Variants in CCDC88C observed in about 807,000 individuals in gnomAD.
CCDC88C encodes the protein protein Daple.
In CCDC88C, 131 loss-of-function variants were observed where a neutral mutation model predicts 198.8. The observed-to-expected ratio is 0.66, with a 90% confidence interval of 0.57 to 0.76. The LOEUF is 0.76. CCDC88C is among the 30% of genes least tolerant of loss of function. CCDC88C has a pLI of 0.00. For synonymous variants in CCDC88C, 1,166 were observed against 1,114.7 expected (o/e 1.05, Z -0.92); for missense variants, 2,553 against 2,631.6 (o/e 0.97, Z 0.65).
chr14:91,357,185 T>C (rs1894073085), intron 4 of CCDC88C, among the ~76,000 whole-genome samples: 1 of 152,130 alleles, frequency 6.6e-6, no homozygotes. Flanking sequence ...GAGCCTCAGT[T>C]CTCTCCCTAT....
Position 91,321,077 on chromosome 14 carries a change from A to G in CCDC88C, c.1527+43T>C, listed in dbSNP as rs11629048. 0.066 allele frequency: 102,222 copies of G among 1,545,718 alleles called. 3,858 individuals are homozygous for G. The highest frequency in any genetic ancestry group is 0.13 in the African/African-American group (9,828 of 73,278). The stretch of plus-strand genomic sequence containing the variant: ...CACTGGGGAGGATGGGAGGGTGCCC[A>G]AGGGTTCTGTGCTTCCCCGGTGGCC... On this transcript the variant is annotated intron_variant, in intron 13 of 29. Transcript: ENST00000389857.
chr14:91,325,115 A>G lies in CCDC88C; in HGVS notation c.1198-192T>C, dbSNP rs1892528487. ...ATGAGAGGGAAAGCCACTCAAAGGT[A>G]CCCTGACCTGGCTACCTAGGTTATG... On this transcript the variant is annotated intron_variant, in intron 11 of 29. Coordinates refer to ENST00000389857, the MANE Select transcript of CCDC88C (RefSeq NM_001080414.4). The surrounding 1 kb of genome is among the most constrained non-coding windows in gnomAD (Gnocchi z 4.1). Among the ~76,000 whole-genome samples the G allele has an allele frequency of 6.6e-6, 1 of 152,140 alleles. No homozygotes were observed. The highest frequency in any genetic ancestry group is 2.1e-4 in the South Asian group (1 of 4,828).
chr14:91,308,977 G>A (rs1158298460), intron 16 of CCDC88C, among the ~76,000 whole-genome samples: 1 of 152,080 alleles, frequency 6.6e-6, no homozygotes, highest in Admixed American at 6.6e-5. Context: ...CTGTAATCCC[G>A]GCACTTTGGG....
intron 10 of CCDC88C, among the ~76,000 whole-genome samples, chr14:91,328,977 T>TGCC (rs1481996397): frequency 1.3e-5 from 2 of 152,184 alleles, no homozygotes; most frequent in Non-Finnish European, 2.9e-5. Flanking sequence ...GCAACCACGA[T>TGCC]GCCGTATGGT....
At chr14:91,359,576 A>G in intron 4 of CCDC88C, 66 bp downstream of exon 4, 1 of 1,316,502 alleles carries the variant, frequency 7.6e-7, no homozygotes, top group Non-Finnish European at 1.1e-6. Flanking sequence ...CTCGATGGCC[A>G]GCAGCTGCCC....
intron 14 of CCDC88C, 28 bp downstream of exon 14, chr14:91,315,622 G>C (rs1431218284): frequency 1.9e-6 from 3 of 1,613,090 alleles, no homozygotes; most frequent in South Asian, 2.2e-5. Context: ...GGGGTTCTAG[G>C]AGAGGCGTTA....
chr14:91,300,048 TGCGCTTCA>T lies in CCDC88C; in HGVS notation c.3650_3657del (p.Leu1217GlnfsTer14). Reference sequence around the variant, plus strand: ...TTCTCCCGCTCCTCCAGCTCCGCCTTGCGCTTCAGCATGTCACCGTGCCTGTTGGAGGG... The same window carrying T: ...TTCTCCCGCTCCTCCAGCTCCGCCTTGCATGTCACCGTGCCTGTTGGAGGG... On this transcript the variant is annotated frameshift_variant, in exon 21 of 30. Coordinates refer to ENST00000389857, the MANE Select transcript of CCDC88C (RefSeq NM_001080414.4). LOFTEE classifies it high-confidence loss of function. 1.2e-6 allele frequency: 2 copies of T among 1,608,198 alleles called. No individual in the cohort carries two copies. Among genetic ancestry groups the T allele is most frequent in the Non-Finnish European group, 1.7e-6 (2 of 1,177,662 alleles).
chr14:91,336,640 G>A (rs979187336), intron 10 of CCDC88C, among the ~76,000 whole-genome samples: 7 of 152,192 alleles, frequency 4.6e-5, no homozygotes, highest in Non-Finnish European at 7.3e-5. Flanking sequence ...GCTGAGAAAC[G>A]GTCTACCCTC....
intron 3 of CCDC88C, among the ~76,000 whole-genome samples, chr14:91,389,066 G>A (rs1259034900): frequency 6.6e-6 from 1 of 152,146 alleles, no homozygotes; most frequent in African/African-American, 2.4e-5. Flanking sequence ...CCAACATGAG[G>A]TTCAAGGGAA....
At chr14:91,393,514 C>T (rs1183057640) in intron 3 of CCDC88C, among the ~76,000 whole-genome samples, 1 of 152,192 alleles carries the variant, frequency 6.6e-6, no homozygotes, top group Non-Finnish European at 1.5e-5. Flanking sequence ...TCTGGACTAC[C>T]TGTTTTGGAT....
Position 91,339,983 on chromosome 14 carries a change from C to T in CCDC88C, c.525G>A (p.Leu175=). The T allele has an allele frequency of 1.2e-6, 2 of 1,606,710 alleles. No homozygotes were observed. The highest frequency in any genetic ancestry group is 1.7e-4 in the Middle Eastern group (1 of 6,054). Reference sequence around the variant, plus strand: ...CCTCCGGAGCCACGTCGGGCAGCTCCAGCCACTGCAGGTCAAACACGTTCT... The same window carrying T: ...CCTCCGGAGCCACGTCGGGCAGCTCTAGCCACTGCAGGTCAAACACGTTCT... ...NQENVFDLQW[L]ELPDVAPEEL... is the part of the protein sequence containing the mutation. The change falls in exon 7 of 30, where the codon CTG becomes CTA. Residue 175 remains leucine (L), a synonymous_variant. Coordinates refer to ENST00000389857, the MANE Select transcript of CCDC88C (RefSeq NM_001080414.4). This position sits in a 1 kb window ranked among gnomAD's most constrained non-coding sequence, Gnocchi z 5.8.
rs1388885515 is a variant in CCDC88C at position 91,279,293 on chromosome 14, A to G, written c.4713T>C (p.Ser1571=). The stretch of plus-strand genomic sequence containing the variant: ...ATGTGTTTCTACTGCTCTCTAAGCT[A>G]CTTGGCCGCGACACTGAAAGGAAAT... ...PNHRQYVSRP[S]SLESSRNTSS... The change falls in exon 28 of 30, where the codon AGT becomes AGC. Residue 1571 remains serine (S), a synonymous_variant. Coordinates refer to ENST00000389857, the MANE Select transcript of CCDC88C (RefSeq NM_001080414.4). 2 of 1,601,324 alleles carry G rather than the reference A, an allele frequency of 1.2e-6. No homozygotes were observed. Among genetic ancestry groups the G allele is most frequent in the Non-Finnish European group, 1.7e-6 (2 of 1,173,000 alleles).
chr14:91,285,528 G>T, intron 25 of CCDC88C: 1 of 667,248 alleles, frequency 1.5e-6, no homozygotes, highest in Non-Finnish European at 2.2e-6. Context: ...ATCCACGCTG[G>T]CTACTTTAAG....
chr14:91,392,783 G>GCGCCCCT (rs1885592923), intron 3 of CCDC88C, among the ~76,000 whole-genome samples: 1 of 151,130 alleles, frequency 6.6e-6, no homozygotes, highest in African/African-American at 2.5e-5. Context: ...CACTCTCACT[G>GCGCCCCT]CACCCCTCAC....
chr14:91,287,746 G>A (rs954932381), intron 25 of CCDC88C, among the ~76,000 whole-genome samples: 5 of 149,202 alleles, frequency 3.4e-5, no homozygotes, highest in African/African-American at 1.0e-4. Context: ...GTAGCCTGTC[G>A]CTGGTCTTCA....
rs1596021189 is a variant in CCDC88C, at chr14:91,284,876, A to T, written c.4442-1359T>A. Among the ~76,000 whole-genome samples, 1 of 152,252 alleles carries T rather than the reference A, an allele frequency of 6.6e-6. No individual in the cohort carries two copies. The highest frequency in any genetic ancestry group is 2.1e-4 in the South Asian group (1 of 4,838). ...AGGTAATCATAGACGGTATCAGGATATGACAAAAATAACGGAGGTGGTACA... is the reference window on the plus strand; with the variant it reads ...AGGTAATCATAGACGGTATCAGGATTTGACAAAAATAACGGAGGTGGTACA... On this transcript the variant is annotated intron_variant, in intron 25 of 29. Transcript: ENST00000389857. This position sits in a 1 kb window ranked among gnomAD's most constrained non-coding sequence, Gnocchi z 4.1.
chr14:91,360,528 A>C (rs1003674954), intron 3 of CCDC88C, among the ~76,000 whole-genome samples: 11 of 152,260 alleles, frequency 7.2e-5, no homozygotes, highest in Admixed American at 3.3e-4. Flanking sequence ...AGGATCCAGC[A>C]CTAAGCAGGT....
chr14:91,353,257 C>T (rs531563919), intron 4 of CCDC88C, among the ~76,000 whole-genome samples: 1 of 152,308 alleles, frequency 6.6e-6, no homozygotes, highest in African/African-American at 2.4e-5. Flanking sequence ...CCTAGAACAC[C>T]TTTCCTCGCT....
Position 91,359,691 on chromosome 14 carries a change from A to T in CCDC88C, c.291T>A (p.Ile97=). 6.2e-7 allele frequency: 1 copy of T among 1,610,632 alleles called. No homozygotes were observed. Among genetic ancestry groups the T allele is most frequent in the South Asian group, 1.1e-5 (1 of 89,982 alleles). The change falls in exon 4 of 30, where the codon ATT becomes ATA. Residue 97 remains isoleucine, a synonymous_variant. Coordinates refer to ENST00000389857, the MANE Select transcript of CCDC88C (RefSeq NM_001080414.4). ...TCAAAACATTGGGCAAATTCATTAC[A>T]ATCAGCTGCTGGAGAACTTCCTGCA... ...TYYQEVLQQL[I]VMNLPNVLMI...
Sources: gnomAD v4.1 joint callset for allele counts (sites outside exome capture counted in the v4.1 genomes callset) on GRCh38, gnomAD v4.1.1 for gene constraint, Gnocchi (gnomAD v3.1) non-coding constraint, MANE v1.5 for transcripts, NCBI Gene and HGNC (gene_info 2026-07-23, HGNC 2026-07-21) for gene names.